REEP1: variants seen among roughly 807,000 people sequenced by gnomAD.
The protein encoded by REEP1 is receptor accessory protein 1, also known as receptor expression-enhancing protein 1.
A neutral mutation model predicts 40.3 loss-of-function variants in REEP1; 22 were observed. The ratio of observed to expected loss-of-function variants is 0.55; its 90% CI spans 0.39 to 0.78. The LOEUF (loss-of-function observed/expected upper bound fraction) is 0.78. REEP1 is among the 30% of genes least tolerant of loss of function. The pLI, the probability that REEP1 is intolerant of heterozygous loss-of-function variation, is 0.00. For missense variants in REEP1, 280 were observed against 361.1 expected (o/e 0.78, Z 1.82); for synonymous variants, 116 against 139.2 (o/e 0.83, Z 1.17).
intron 5 of REEP1, among the ~76,000 whole-genome samples, chr2:86,237,768 C>T (rs1675440853): frequency 6.6e-6 from 1 of 152,082 alleles, no homozygotes; most frequent in African/African-American, 2.4e-5. Flanking sequence ...GGTGATCCAC[C>T]CACCTTGGTC....
At chr2:86,291,661 T>A (rs971639164) in intron 1 of REEP1, among the ~76,000 whole-genome samples, 3 of 151,802 alleles carry the variant, frequency 2.0e-5, no homozygotes, top group Non-Finnish European at 2.9e-5. Context: ...AAACTGAGCC[T>A]CAGAGTAGTT....
intron 2 of REEP1, among the ~76,000 whole-genome samples, chr2:86,272,817 T>C (rs907742950): frequency 1.3e-5 from 2 of 152,156 alleles, no homozygotes; most frequent in Non-Finnish European, 2.9e-5. Flanking sequence ...ATCCTCCAAA[T>C]TCCAGCCAAA....
intron 1 of REEP1, among the ~76,000 whole-genome samples, chr2:86,294,313 A>G (rs1191541057): frequency 3.3e-5 from 5 of 152,242 alleles, no homozygotes; most frequent in Non-Finnish European, 5.9e-5. Flanking sequence ...TATCACAATT[A>G]AAATAAAATA....
At position 86,214,421 on chromosome 2, in the gene REEP1, G is replaced by A. The variant is rs891503590; in HGVS notation, c.*2618C>T. The stretch of plus-strand genomic sequence containing the variant: ...TATGACTAAACTCTCCAGTTTATAA[G>A]CACAAGTCCACATCTCACCTCCTCA... On this transcript the variant is annotated 3_prime_UTR_variant, in exon 9 of 9. Transcript: ENST00000538924. The A allele has an allele frequency of 7.2e-5, 11 of 152,654 alleles. No homozygotes were observed. The highest frequency in any genetic ancestry group is 1.6e-4 in the Non-Finnish European group (11 of 68,044). 9.5% of individuals were successfully genotyped at this position (152,654 alleles called of 1,614,324 possible). A position where few individuals can be genotyped will look rare whatever the true frequency, so the allele number is the denominator to read the frequency against.
At chr2:86,305,811 CCCT>C (rs1403158071) in intron 1 of REEP1, among the ~76,000 whole-genome samples, 2 of 152,194 alleles carry the variant, frequency 1.3e-5, no homozygotes, top group African/African-American at 4.8e-5. Context: ...ACAACTCCAG[CCCT>C]CCTCATTGCA....
chr2:86,226,804 CT>C (rs1433611272), intron 7 of REEP1, among the ~76,000 whole-genome samples: 1 of 152,100 alleles, frequency 6.6e-6, no homozygotes, highest in Non-Finnish European at 1.5e-5. Flanking sequence ...TCCACACATT[CT>C]TTGATACTCC....
intron 8 of REEP1, among the ~76,000 whole-genome samples, chr2:86,217,423 T>C (rs1443418540): frequency 6.6e-6 from 1 of 152,208 alleles, no homozygotes; most frequent in Non-Finnish European, 1.5e-5. Flanking sequence ...TTATCTTAAA[T>C]GATTCAGCAG....
chr2:86,317,984 A>G (rs1233560725), intron 1 of REEP1, among the ~76,000 whole-genome samples: 1 of 152,220 alleles, frequency 6.6e-6, no homozygotes, highest in Admixed American at 6.5e-5. Flanking sequence ...GAAAAAACAA[A>G]TAGTATTTGT....
Position 86,266,863 on chromosome 2 carries a change from C to T in REEP1, c.106-2822G>A, listed in dbSNP as rs151009861. On this transcript the variant is annotated intron_variant, in intron 2 of 8. Transcript: ENST00000538924. ...TCCACTAAAAATGCAAAAAATTAGC[C>T]GGGCATGGTGGTGGGCACCTGTAGT... Among the ~76,000 whole-genome samples, 927 of 151,522 alleles carry T rather than the reference C, an allele frequency of 6.1e-3. 6 individuals are homozygous for T. Among genetic ancestry groups the T allele is most frequent in the African/African-American group, 0.021 (865 of 41,342 alleles).
chr2:86,243,942 T>C (rs1675801573), intron 5 of REEP1, among the ~76,000 whole-genome samples: 1 of 152,144 alleles, frequency 6.6e-6, no homozygotes, highest in Non-Finnish European at 1.5e-5. Context: ...TTTGATTCAA[T>C]AGATGGTAGA....
intron 1 of REEP1, among the ~76,000 whole-genome samples, chr2:86,283,872 TCCTCCAAG>T (rs1558913517): frequency 1.3e-5 from 2 of 152,040 alleles, no homozygotes; most frequent in Non-Finnish European, 2.9e-5. Flanking sequence ...CAGGCCAGCC[TCCTCCAAG>T]CCTGGCTTCT....
intron 5 of REEP1, among the ~76,000 whole-genome samples, chr2:86,237,561 C>A (rs1675430402): frequency 6.6e-6 from 1 of 152,156 alleles, no homozygotes; most frequent in Non-Finnish European, 1.5e-5. Flanking sequence ...TCACTCTTGT[C>A]AGCCAGGCTG....
intron 2 of REEP1, among the ~76,000 whole-genome samples, chr2:86,276,612 T>C (rs1463201027): frequency 6.6e-6 from 1 of 152,162 alleles, no homozygotes; most frequent in Non-Finnish European, 1.5e-5. Context: ...GGAGTCAGCA[T>C]TTTATGAGAT....
At chr2:86,250,106 G>T (rs541860438) in intron 5 of REEP1, among the ~76,000 whole-genome samples, 2 of 152,326 alleles carry the variant, frequency 1.3e-5, no homozygotes, top group African/African-American at 4.8e-5. Context: ...GTGGTTAGGG[G>T]ACAGGCAGTG....
At chr2:86,298,875 A>G (rs1432076343) in intron 1 of REEP1, among the ~76,000 whole-genome samples, 1 of 152,198 alleles carries the variant, frequency 6.6e-6, no homozygotes, top group African/African-American at 2.4e-5. Flanking sequence ...AGCAAGGCAG[A>G]GTGCTGACCG....
chr2:86,245,821 G>A (rs1675911763), intron 5 of REEP1, among the ~76,000 whole-genome samples: 1 of 150,574 alleles, frequency 6.6e-6, no homozygotes, highest in African/African-American at 2.5e-5. Flanking sequence ...CTGGAGTGCA[G>A]TGGTGCTATC....
Position 86,253,056 on chromosome 2 carries a change from C to T in REEP1, c.304-986G>A, listed in dbSNP as rs982877049. 3.5e-4 allele frequency among the ~76,000 whole-genome samples: 53 copies of T among 152,108 alleles called. 1 individual carries two copies. The highest frequency in any genetic ancestry group is 4.6e-4 in the African/African-American group (19 of 41,416). On this transcript the variant is annotated intron_variant, in intron 4 of 8. Transcript: ENST00000538924. Reference sequence around the variant, plus strand: ...CAGCACTTTGGGAGGCCAAGGTGGGCGTATCACCTGAGGTCAAGAGTTCGA... The same window carrying T: ...CAGCACTTTGGGAGGCCAAGGTGGGTGTATCACCTGAGGTCAAGAGTTCGA...
chr2:86,256,039 A>G (rs11681689), intron 3 of REEP1, among the ~76,000 whole-genome samples: 63,616 of 151,932 alleles, frequency 0.42, 14,796 homozygotes, highest in East Asian at 0.65. Context: ...AAGGTGAGCC[A>G]ATTGCTAGAG....
At chr2:86,259,151 A>G (rs1039735986) in intron 3 of REEP1, among the ~76,000 whole-genome samples, 2 of 151,664 alleles carry the variant, frequency 1.3e-5, no homozygotes. Flanking sequence ...TTAGCCAGGC[A>G]TGGTGGCACG....
Sources: gnomAD v4.1 joint callset for allele counts (sites outside exome capture counted in the v4.1 genomes callset) on GRCh38, gnomAD v4.1.1 for gene constraint, MANE v1.5 for transcripts, NCBI Gene and HGNC (gene_info 2026-07-23, HGNC 2026-07-21) for gene names.